DYTN: variants seen among roughly 807,000 people sequenced by gnomAD.
The protein encoded by DYTN is dystrotelin.
In DYTN, 75 loss-of-function variants were observed where a neutral mutation model predicts 69.6. The ratio of observed to expected loss-of-function variants is 1.08; its 90% CI spans 0.89 to 1.31. DYTN has a LOEUF of 1.31. Ranked by LOEUF, DYTN falls within the 50% of genes most tolerant of loss-of-function variation. The pLI is 0.00. For missense variants in DYTN, 726 were observed against 688.4 expected (o/e 1.05, Z -0.61); for synonymous variants, 252 against 249.1 (o/e 1.01, Z -0.11).
At chr2:206,678,153 G>A (rs1308805725) in intron 9 of DYTN, among the ~76,000 whole-genome samples, 1 of 152,148 alleles carries the variant, frequency 6.6e-6, no homozygotes, top group Non-Finnish European at 1.5e-5. Context: ...CAGTAAAAAC[G>A]GCAGCAGGTG....
At chr2:206,694,108 TACTC>T (rs986452690) in intron 8 of DYTN, among the ~76,000 whole-genome samples, 7 of 152,204 alleles carry the variant, frequency 4.6e-5, no homozygotes, top group Admixed American at 1.3e-4. Flanking sequence ...TGAAGAAACT[TACTC>T]ACTGGAATTT....
intron 9 of DYTN, chr2:206,679,234 G>A (rs1399283110): frequency 1.3e-5 from 2 of 152,158 alleles, no homozygotes; most frequent in Non-Finnish European, 2.9e-5. Flanking sequence ...ATTGAGGAAA[G>A]CCTTTTTAGA....
chr2:206,703,112 G>T (rs375290186), intron 5 of DYTN, among the ~76,000 whole-genome samples: 4 of 152,264 alleles, frequency 2.6e-5, no homozygotes, highest in South Asian at 4.1e-4. Context: ...GGTAGGGGCG[G>T]AGTGCTGAGG....
intron 9 of DYTN, among the ~76,000 whole-genome samples, chr2:206,675,600 A>G (rs13408039): frequency 0.14 from 21,189 of 152,066 alleles, 2,464 homozygotes; most frequent in African/African-American, 0.32. Context: ...ACTTGAAAAA[A>G]TAGAGAAACC....
At chr2:206,708,229 G>T (rs1381937849) in intron 2 of DYTN, among the ~76,000 whole-genome samples, 1 of 152,136 alleles carries the variant, frequency 6.6e-6, no homozygotes, top group Non-Finnish European at 1.5e-5. Context: ...GCAATGAATA[G>T]AAACAAGAAT....
chr2:206,661,325 C>T (rs1232490456), intron 11 of DYTN, among the ~76,000 whole-genome samples: 2 of 152,196 alleles, frequency 1.3e-5, no homozygotes, highest in African/African-American at 2.4e-5. Context: ...AGAAGGCCTC[C>T]TCTGATGCAA....
chr2:206,689,526 G>C (rs111228437), intron 9 of DYTN, among the ~76,000 whole-genome samples: 11 of 152,316 alleles, frequency 7.2e-5, no homozygotes, highest in African/African-American at 2.6e-4. Flanking sequence ...GGGGTGGACA[G>C]AGTACAACTC....
At chr2:206,676,820 G>C (rs888712542) in intron 9 of DYTN, among the ~76,000 whole-genome samples, 41 of 151,982 alleles carry the variant, frequency 2.7e-4, no homozygotes, top group Non-Finnish European at 1.0e-4. Context: ...TATAAAGGGA[G>C]GAAACTTTAG....
chr2:206,659,848 G>A (rs990181088), intron 11 of DYTN, among the ~76,000 whole-genome samples: 3 of 152,142 alleles, frequency 2.0e-5, no homozygotes, highest in African/African-American at 7.2e-5. Context: ...CGGTAGCCAT[G>A]AAGATTAATA....
At chr2:206,701,853 T>C (rs374004514) in intron 5 of DYTN, among the ~76,000 whole-genome samples, 9 of 152,208 alleles carry the variant, frequency 5.9e-5, no homozygotes, top group African/African-American at 1.9e-4. Flanking sequence ...ATTGTGTTAA[T>C]CTTTATGCAG....
At chr2:206,712,082 C>T (rs533564609) in intron 1 of DYTN, among the ~76,000 whole-genome samples, 2 of 152,174 alleles carry the variant, frequency 1.3e-5, no homozygotes, top group Non-Finnish European at 2.9e-5. Context: ...CCTGTTCTAA[C>T]TGCTTATTGT....
chr2:206,715,442 G>A (rs1700117767), intron 1 of DYTN, among the ~76,000 whole-genome samples: 1 of 152,144 alleles, frequency 6.6e-6, no homozygotes, highest in Non-Finnish European at 1.5e-5. Flanking sequence ...GGCCAGTGTT[G>A]TCTTGTTGCT....
intron 9 of DYTN, among the ~76,000 whole-genome samples, chr2:206,667,344 T>C (rs921002679): frequency 3.3e-5 from 5 of 152,196 alleles, no homozygotes; most frequent in African/African-American, 1.2e-4. Flanking sequence ...TCCCTCTGCC[T>C]GGATGCTGTT....
intron 9 of DYTN, among the ~76,000 whole-genome samples, chr2:206,677,594 G>A (rs11900199): frequency 2.0e-5 from 3 of 152,004 alleles, no homozygotes; most frequent in African/African-American, 7.2e-5. Flanking sequence ...ATAATCAAAT[G>A]ATGTTAAAAC....
At chr2:206,708,081 C>A (rs1169232889) in intron 2 of DYTN, among the ~76,000 whole-genome samples, 2 of 152,130 alleles carry the variant, frequency 1.3e-5, no homozygotes, top group Admixed American at 6.5e-5. Context: ...TCAGTAATAC[C>A]ACTGTTAACA....
chr2:206,718,060 A>G (rs1700145044), intron 1 of DYTN, among the ~76,000 whole-genome samples: 1 of 152,224 alleles, frequency 6.6e-6, no homozygotes, highest in East Asian at 1.9e-4. Flanking sequence ...TTTCGAGACA[A>G]TAGACCAGAT....
At chr2:206,705,318 G>A (rs1473299836) in intron 4 of DYTN, among the ~76,000 whole-genome samples, 1 of 152,036 alleles carries the variant, frequency 6.6e-6, no homozygotes, top group Non-Finnish European at 1.5e-5. Context: ...GGCTGGTCTC[G>A]AACTCCCAAC....
At chr2:206,673,708 G>A (rs775361027) in intron 9 of DYTN, among the ~76,000 whole-genome samples, 29 of 152,216 alleles carry the variant, frequency 1.9e-4, no homozygotes, top group Admixed American at 5.9e-4. Context: ...GTTTAAAGAT[G>A]ACAGGGTTGA....
chr2:206,705,935 G>T, intron 3 of DYTN, 62 bp from the exon 4 acceptor site: 1 of 1,559,486 alleles, frequency 6.4e-7, no homozygotes, highest in Non-Finnish European at 8.8e-7. Flanking sequence ...TGGTGTAATG[G>T]ATGATAAAAA....
Sources: allele counts gnomAD v4.1 joint callset (sites outside exome capture counted in the v4.1 genomes callset), GRCh38; gene constraint gnomAD v4.1.1; transcripts MANE v1.5; gene names NCBI Gene and HGNC (gene_info 2026-07-23, HGNC 2026-07-21).